The following GABRR1 variants were observed in gnomAD, a reference collection of about 807,000 sequenced individuals.
GABRR1 encodes gamma-aminobutyric acid receptor subunit rho-1.
Under a neutral mutation model 55.5 loss-of-function variants are expected in GABRR1, and 59 were observed. That is an observed-to-expected ratio of 1.06 (90% CI 0.86 to 1.32). GABRR1 has a LOEUF of 1.32. GABRR1 is among the 40% of genes most tolerant of loss of function. The pLI, the probability that GABRR1 is intolerant of heterozygous loss-of-function variation, is 0.00. For missense variants in GABRR1, 602 were observed against 619.1 expected (o/e 0.97, Z 0.29); for synonymous variants, 213 against 226.0 (o/e 0.94, Z 0.51).
At chr6:89,194,572 T>A (rs941570846) in intron 5 of GABRR1, among the ~76,000 whole-genome samples, 3 of 152,136 alleles carry the variant, frequency 2.0e-5, no homozygotes, top group Non-Finnish European at 4.4e-5. Context: ...GTAATCTCTC[T>A]GACCAAGAAT....
chr6:89,221,857 C>T (rs760593801), upstream of GABRR1, among the ~76,000 whole-genome samples: 10 of 152,194 alleles, frequency 6.6e-5, no homozygotes, highest in Non-Finnish European at 1.3e-4. Context: ...TGCTTCTTTA[C>T]TCACTGTATC....
At chr6:89,192,642 C>A (rs1772140031) in intron 5 of GABRR1, among the ~76,000 whole-genome samples, 1 of 151,110 alleles carries the variant, frequency 6.6e-6, no homozygotes, top group African/African-American at 2.4e-5. Flanking sequence ...AACTCTGCAA[C>A]CTCCACCTCC....
chr6:89,204,266 G>C (rs567413889), intron 1 of GABRR1, among the ~76,000 whole-genome samples: 2 of 152,312 alleles, frequency 1.3e-5, no homozygotes, highest in African/African-American at 4.8e-5. Flanking sequence ...GGACACATCA[G>C]AACAGATGCA....
intron 2 of GABRR1, among the ~76,000 whole-genome samples, chr6:89,201,546 G>A (rs1292020763): frequency 1.3e-5 from 2 of 152,186 alleles, no homozygotes; most frequent in Non-Finnish European, 2.9e-5. Context: ...TTGGGAGTCC[G>A]AGGCGGGTGG....
chr6:89,211,545 T>A (rs992783086), intron 1 of GABRR1, among the ~76,000 whole-genome samples: 2 of 152,182 alleles, frequency 1.3e-5, no homozygotes, highest in Non-Finnish European at 2.9e-5. Flanking sequence ...TATCTAGGGC[T>A]CACTTCTCAG....
chr6:89,218,410 TA>T (rs765593757), upstream of GABRR1, among the ~76,000 whole-genome samples: 268 of 152,370 alleles, frequency 1.8e-3, 1 homozygote, highest in Non-Finnish European at 3.4e-3. Flanking sequence ...TCCCAGATCG[TA>T]AGAAGCCTTT....
upstream of GABRR1, chr6:89,217,543 G>C: frequency 2.3e-6 from 1 of 439,638 alleles, no homozygotes; most frequent in Non-Finnish European, 4.0e-6. Flanking sequence ...TCTGAACTGA[G>C]GTTGAATTCC....
chr6:89,185,568 AGTTTG>A, intron 6 of GABRR1, 118 bp from the exon 7 acceptor site: 1 of 870,918 alleles, frequency 1.1e-6, no homozygotes, highest in Admixed American at 2.3e-5. Context: ...GTGATATGAT[AGTTTG>A]AAAAACAAAC....
At position 89,178,627 on chromosome 6, in the gene GABRR1, T is replaced by C. The variant is rs1415254767; in HGVS notation, c.*143A>G. The C allele has an allele frequency of 3.0e-6, 2 of 674,306 alleles. No homozygotes were observed. The highest frequency in any genetic ancestry group is 2.5e-6 in the Non-Finnish European group (1 of 402,064). 41.8% of individuals were successfully genotyped at this position (674,306 alleles called of 1,614,324 possible). On this transcript the variant is annotated 3_prime_UTR_variant, in exon 10 of 10. Coordinates refer to ENST00000454853, the MANE Select transcript of GABRR1 (RefSeq NM_002042.5). ...CCAGTAAGTGTCTCGTCAATGTAGC[T>C]TTGGAAAGCTGCAGAAGGGATAGTG...
chr6:89,223,444 G>A (rs951882696), intron 1 of GABRR1, among the ~76,000 whole-genome samples: 12 of 152,106 alleles, frequency 7.9e-5, no homozygotes, highest in Non-Finnish European at 1.8e-4. Flanking sequence ...TTATCCACTC[G>A]TTGATTGTTG....
At chr6:89,216,184 G>C (rs1772975723) in intron 1 of GABRR1, among the ~76,000 whole-genome samples, 1 of 152,194 alleles carries the variant, frequency 6.6e-6, no homozygotes, top group African/African-American at 2.4e-5. Context: ...GTGAGCTACA[G>C]CTGGCTGTTT....
intron 5 of GABRR1, among the ~76,000 whole-genome samples, chr6:89,192,557 T>C (rs1238514563): frequency 1.3e-5 from 2 of 149,408 alleles, no homozygotes; most frequent in Non-Finnish European, 3.0e-5. Context: ...CTCTTCTTCT[T>C]CTTCTTCTTT....
chr6:89,196,346 A>C (rs1017283403), intron 5 of GABRR1, among the ~76,000 whole-genome samples: 4 of 151,750 alleles, frequency 2.6e-5, no homozygotes, highest in African/African-American at 9.7e-5. Context: ...CCCCCCAGGT[A>C]ACCAATTGTT....
Position 89,200,241 on chromosome 6 carries a change from CTTTTTTTT to C in GABRR1, c.281-820_281-813del, listed in dbSNP as rs10603486. Among the ~76,000 whole-genome samples, 192 of 86,344 alleles carry C rather than the reference CTTTTTTTT, an allele frequency of 2.2e-3. 1 individual carries two copies. Among genetic ancestry groups the C allele is most frequent in the Admixed American group, 4.2e-3 (26 of 6,136 alleles). 56.6% of individuals were successfully genotyped at this position (86,344 alleles called of 152,430 possible). On this transcript the variant is annotated intron_variant, in intron 3 of 9. Coordinates refer to ENST00000454853, the MANE Select transcript of GABRR1 (RefSeq NM_002042.5). Reference sequence around the variant, plus strand: ...TGGCAAGATAATTATTTCTTTTTCCCTTTTTTTTTTTTTTTTTTTTTTTTGGAGACAGA... The same window carrying C: ...TGGCAAGATAATTATTTCTTTTTCCCTTTTTTTTTTTTTTTTGGAGACAGA...
chr6:89,212,820 C>T (rs1772872619), intron 1 of GABRR1, among the ~76,000 whole-genome samples: 1 of 152,130 alleles, frequency 6.6e-6, no homozygotes, highest in African/African-American at 2.4e-5. Flanking sequence ...AGGCACACCT[C>T]ACCGTGGCCA....
rs796381530 is a variant in GABRR1, at chr6:89,182,715, T to G, written c.797-658A>C. On this transcript the variant is annotated intron_variant, in intron 7 of 9. Transcript: ENST00000454853. ...CCAAACCTACTTAATTGGAGGTCCA[T>G]TTAACAATATTCTCAGCTGGGCGCG... is the stretch of plus-strand genomic sequence containing the variant. Among the ~76,000 whole-genome samples the G allele has an allele frequency of 9.2e-5, 14 of 152,172 alleles. 1 individual carries two copies. Among genetic ancestry groups the G allele is most frequent in the African/African-American group, 3.1e-4 (13 of 41,522 alleles).
intron 1 of GABRR1, among the ~76,000 whole-genome samples, chr6:89,209,028 C>T (rs962035215): frequency 6.6e-6 from 1 of 152,162 alleles, no homozygotes; most frequent in South Asian, 2.1e-4. Context: ...TTGGTGGGCC[C>T]CTAACACACA....
intron 6 of GABRR1, among the ~76,000 whole-genome samples, chr6:89,188,393 ATAAGGGTTC>A (rs1477002228): frequency 2.6e-5 from 4 of 152,110 alleles, no homozygotes; most frequent in Non-Finnish European, 4.4e-5. Context: ...CCCACAAAGG[ATAAGGGTTC>A]TAATTTGTTC....
rs1172183850 is a variant in GABRR1 at position 89,177,519 on chromosome 6, A to C, written c.*1251T>G. 6.6e-6 allele frequency: 1 copy of C among 152,244 alleles called. No individual in the cohort carries two copies. The highest frequency in any genetic ancestry group is 1.5e-5 in the Non-Finnish European group (1 of 68,048). 9.4% of individuals were successfully genotyped at this position (152,244 alleles called of 1,614,324 possible). A position where few individuals can be genotyped will look rare whatever the true frequency, so the allele number is the denominator to read the frequency against. On this transcript the variant is annotated 3_prime_UTR_variant, in exon 10 of 10. Coordinates refer to ENST00000454853, the MANE Select transcript of GABRR1 (RefSeq NM_002042.5). ...AATGACATTATTGTGTATATAATTC[A>C]CTTTATTAAAGTGAGTTTCAAATAA... is the stretch of plus-strand genomic sequence containing the variant.
Sources: allele counts gnomAD v4.1 joint callset (sites outside exome capture counted in the v4.1 genomes callset), GRCh38; gene constraint gnomAD v4.1.1; transcripts MANE v1.5; gene names NCBI Gene and HGNC (gene_info 2026-07-23, HGNC 2026-07-21).